Variants in IFT43 observed in about 807,000 individuals in gnomAD.
IFT43 encodes the protein intraflagellar transport protein 43 homolog.
A neutral mutation model predicts 32.3 loss-of-function variants in IFT43; 33 were observed. The ratio of observed to expected loss-of-function variants is 1.02; its 90% CI spans 0.77 to 1.37. The LOEUF is 1.37. IFT43 is among the 40% of genes most tolerant of loss of function. The pLI, the probability that IFT43 is intolerant of heterozygous loss-of-function variation, is 0.00. For synonymous variants in IFT43, 93 were observed against 98.2 expected, an observed-to-expected ratio of 0.95 and a Z score of 0.31; for missense variants, 274 against 265.9, an observed-to-expected ratio of 1.03 and a Z score of -0.21.
At chr14:76,082,475 G>T (rs1485885613) in intron 6 of IFT43, 108 bp downstream of exon 6, 1 of 1,204,502 alleles carries the variant, frequency 8.3e-7, no homozygotes, top group Non-Finnish European at 1.2e-6. Context: ...TCTGGTGTTG[G>T]GCTCCATCCA....
chr14:76,056,889 G>A (rs924679170), intron 3 of IFT43, among the ~76,000 whole-genome samples: 1 of 152,182 alleles, frequency 6.6e-6, no homozygotes, highest in Non-Finnish European at 1.5e-5. Flanking sequence ...AATAGGCATT[G>A]GAAGCCTATA....
chr14:76,006,108 G>T (rs559195325), intron 2 of IFT43, among the ~76,000 whole-genome samples: 1 of 152,168 alleles, frequency 6.6e-6, no homozygotes, highest in Non-Finnish European at 1.5e-5. Flanking sequence ...GACATTAGTG[G>T]TGCAACTTGG....
At chr14:76,073,744 C>G (rs547654498) in intron 5 of IFT43, among the ~76,000 whole-genome samples, 1 of 152,312 alleles carries the variant, frequency 6.6e-6, no homozygotes, top group African/African-American at 2.4e-5. Context: ...AGAATTGAGA[C>G]ACCATCATTT....
chr14:76,049,889 T>C (rs1169246909), intron 3 of IFT43, among the ~76,000 whole-genome samples: 2 of 151,834 alleles, frequency 1.3e-5, no homozygotes, highest in African/African-American at 4.8e-5. Context: ...TCCTGATCCC[T>C]GATCAATGTC....
At chr14:75,996,861 A>G (rs1183409374) in intron 2 of IFT43, among the ~76,000 whole-genome samples, 5 of 152,224 alleles carry the variant, frequency 3.3e-5, no homozygotes, top group Non-Finnish European at 7.4e-5. Context: ...TCATTCATTT[A>G]TGAAACTTGA....
chr14:76,079,816 G>A (rs759708), intron 5 of IFT43, among the ~76,000 whole-genome samples: 74,330 of 152,000 alleles, frequency 0.49, 18,254 homozygotes, highest in Non-Finnish European at 0.52. Flanking sequence ...TTTGCAGGTC[G>A]CCACTGTCTC....
intron 5 of IFT43, among the ~76,000 whole-genome samples, chr14:76,071,088 C>A (rs1594862179): frequency 2.0e-5 from 3 of 152,270 alleles, no homozygotes. Context: ...GTCTCCCTAA[C>A]CTTTCCTACC....
chr14:75,987,926 G>C (rs549677538), intron 1 of IFT43, among the ~76,000 whole-genome samples: 4 of 152,288 alleles, frequency 2.6e-5, no homozygotes, highest in Admixed American at 2.6e-4. Flanking sequence ...AGCAAATGCT[G>C]TTTTCCATTT....
intron 5 of IFT43, among the ~76,000 whole-genome samples, chr14:76,063,504 C>G (rs575035242): frequency 1.3e-5 from 2 of 152,254 alleles, no homozygotes; most frequent in East Asian, 1.9e-4. Flanking sequence ...GGGGCTCCCC[C>G]AAGCTGTGCC....
chr14:76,002,462 A>G (rs908451519), intron 2 of IFT43, among the ~76,000 whole-genome samples: 2 of 152,074 alleles, frequency 1.3e-5, no homozygotes, highest in African/African-American at 2.4e-5. Context: ...TGAGGAGGGA[A>G]GGAGGGGACT....
intron 3 of IFT43, among the ~76,000 whole-genome samples, chr14:76,057,222 T>C (rs978559309): frequency 2.0e-5 from 3 of 148,248 alleles, no homozygotes; most frequent in African/African-American, 7.5e-5. Flanking sequence ...ATCATTTTAA[T>C]TATTTTATTT....
At chr14:76,035,403 C>T (rs2036580393) in intron 3 of IFT43, among the ~76,000 whole-genome samples, 1 of 152,188 alleles carries the variant, frequency 6.6e-6, no homozygotes, top group Non-Finnish European at 1.5e-5. Context: ...GGCGGTAGAA[C>T]TGCTGTGTGC....
At chr14:76,059,537 C>T (rs963195284) in intron 5 of IFT43, 164 bp downstream of exon 5, 2 of 697,808 alleles carry the variant, frequency 2.9e-6, no homozygotes, top group Admixed American at 2.1e-5. Context: ...ATGCTGCCAC[C>T]TCTACCTGGA....
At chr14:76,047,264 GCTCA>G (rs2036825863) in intron 3 of IFT43, among the ~76,000 whole-genome samples, 1 of 152,172 alleles carries the variant, frequency 6.6e-6, no homozygotes, top group Admixed American at 6.5e-5. Flanking sequence ...TGAGATTAGA[GCTCA>G]GCACGTATAC....
chr14:76,038,111 C>T (rs560571234), intron 3 of IFT43: 5 of 152,322 alleles, frequency 3.3e-5, no homozygotes, highest in East Asian at 1.9e-4. Flanking sequence ...ATGGCATGAC[C>T]GGAGTCCTGG....
chr14:76,000,071 G>A (rs1033330572), intron 2 of IFT43, among the ~76,000 whole-genome samples: 2 of 152,076 alleles, frequency 1.3e-5, no homozygotes, highest in Non-Finnish European at 2.9e-5. Flanking sequence ...AACTTCAGGC[G>A]TTTCCCCATC....
intron 2 of IFT43, among the ~76,000 whole-genome samples, chr14:76,010,481 T>C (rs868236306): frequency 1.3e-5 from 2 of 152,100 alleles, no homozygotes; most frequent in Non-Finnish European, 2.9e-5. Flanking sequence ...CCCAGAAAAG[T>C]AGAAAAAATT....
At chr14:76,059,030 T>C in intron 4 of IFT43, 1 of 1,421,058 alleles carries the variant, frequency 7.0e-7, no homozygotes, top group Non-Finnish European at 9.1e-7. Flanking sequence ...GAAAGAAGTT[T>C]TCTAGATAAA....
chr14:76,036,554 G>T (rs150660866), intron 3 of IFT43, among the ~76,000 whole-genome samples: 1 of 151,528 alleles, frequency 6.6e-6, no homozygotes, highest in Non-Finnish European at 1.5e-5. Context: ...ACAGGCGCGC[G>T]CCACCACACC....
Sources: gnomAD v4.1 joint callset for allele counts (sites outside exome capture counted in the v4.1 genomes callset) on GRCh38, gnomAD v4.1.1 for gene constraint, MANE v1.5 for transcripts, NCBI Gene and HGNC (gene_info 2026-07-23, HGNC 2026-07-21) for gene names.